The following TENM3 variants were observed in gnomAD, a reference collection of about 807,000 sequenced individuals.
The protein encoded by TENM3 is teneurin transmembrane protein 3.
TENM3 carries 63 observed loss-of-function variants against 255.1 expected under a neutral mutation model. The observed-to-expected ratio is 0.25, with a 90% CI of 0.20 to 0.30. The LOEUF is 0.30. Ranked by LOEUF, TENM3 falls within the 10% of genes least tolerant of loss-of-function variation. The probability of loss-of-function intolerance (pLI) is 1.00; values close to 1 mark genes in which losing one functional copy is unlikely to be tolerated. For synonymous variants in TENM3, 1,306 were observed against 1,322.3 expected, an observed-to-expected ratio of 0.99 and a Z score of 0.27; for missense variants, 2,929 against 3,461.1, an observed-to-expected ratio of 0.85 and a Z score of 3.86.
rs1210201889 is a variant in TENM3, at chr4:182,389,772, G to A, written c.511+42843G>A. Among the ~76,000 whole-genome samples, 792 of 142,308 alleles carry A rather than the reference G, an allele frequency of 5.6e-3. 9 individuals carry two copies. Among genetic ancestry groups the A allele is most frequent in the African/African-American group, 0.02 (760 of 38,798 alleles). The allele number at this position is 142,308 out of a possible 152,430, so 93.4% of individuals were successfully genotyped here. ...GCGATCTCGGCTCACTGCAAGCTCC[G>A]CCTCCCGGGTTCGCGCCATTCTCCT... On this transcript the variant is annotated intron_variant, in intron 3 of 27. Transcript: ENST00000511685.
chr4:181,853,960 G>T, the TENM3 span, among the ~76,000 whole-genome samples: 1 of 152,170 alleles, frequency 6.6e-6, no homozygotes. Flanking sequence ...AACCTAGCAG[G>T]ATTTTTTAAA....
chr4:182,733,574 A>C (rs1294989942), intron 16 of TENM3, among the ~76,000 whole-genome samples: 1 of 150,688 alleles, frequency 6.6e-6, no homozygotes, highest in South Asian at 2.1e-4. Flanking sequence ...CTAAAGAGGT[A>C]AATTTGGGAG....
the TENM3 span, among the ~76,000 whole-genome samples, chr4:181,646,287 T>C: frequency 1.3e-5 from 2 of 152,190 alleles, no homozygotes; most frequent in African/African-American, 4.8e-5. Flanking sequence ...TCTTTTACCC[T>C]ATATGAAGGA....
At chr4:181,618,459 T>G in the TENM3 span, among the ~76,000 whole-genome samples, 1 of 152,228 alleles carries the variant, frequency 6.6e-6, no homozygotes, top group Admixed American at 6.5e-5. Context: ...GTGATTTCAG[T>G]GTCAGTTTTA....
intron 3 of TENM3, among the ~76,000 whole-genome samples, chr4:182,499,741 T>A (rs146259050): frequency 2.0e-5 from 3 of 152,178 alleles, no homozygotes; most frequent in Admixed American, 6.5e-5. Context: ...TGACAGAATA[T>A]GAAGTTTAAT....
the TENM3 span, among the ~76,000 whole-genome samples, chr4:181,623,843 A>T: frequency 3.9e-5 from 6 of 152,230 alleles, no homozygotes; most frequent in Non-Finnish European, 7.3e-5. Context: ...GAGACACAAA[A>T]TGAGCTTAAA....
intron 3 of TENM3, among the ~76,000 whole-genome samples, chr4:182,463,469 T>C (rs1732253561): frequency 6.6e-6 from 1 of 151,984 alleles, no homozygotes; most frequent in South Asian, 2.1e-4. Flanking sequence ...CCATGTAGTA[T>C]CACTTTTTTT....
intron 22 of TENM3, among the ~76,000 whole-genome samples, chr4:182,756,528 CTT>C: frequency 6.6e-6 from 1 of 152,144 alleles, no homozygotes; most frequent in Non-Finnish European, 1.5e-5. Context: ...GCAAAATAGT[CTT>C]TGAAATGAAT....
At chr4:182,533,659 G>A (rs2309692) in intron 3 of TENM3, among the ~76,000 whole-genome samples, 18,086 of 151,908 alleles carry the variant, frequency 0.12, 1,278 homozygotes, top group East Asian at 0.16. Context: ...AATATAAAAG[G>A]TTGTCTTTCA....
the TENM3 span, among the ~76,000 whole-genome samples, chr4:181,573,115 T>C: frequency 9.2e-5 from 14 of 152,328 alleles, no homozygotes; most frequent in Middle Eastern, 6.8e-3. Context: ...TGTGTGTAAG[T>C]ACCACGTTTT....
chr4:181,588,560 T>C, the TENM3 span, among the ~76,000 whole-genome samples: 1 of 152,176 alleles, frequency 6.6e-6, no homozygotes, highest in Non-Finnish European at 1.5e-5. Context: ...GTACACGTAG[T>C]TCAGGAATGA....
At chr4:182,135,415 CTAAGG>C in the TENM3 span, among the ~76,000 whole-genome samples, 2 of 152,068 alleles carry the variant, frequency 1.3e-5, no homozygotes, top group Non-Finnish European at 2.9e-5. Flanking sequence ...GGTTTCCAGA[CTAAGG>C]TAATTCACAC....
chr4:182,635,163 T>C, intron 5 of TENM3, among the ~76,000 whole-genome samples: 1 of 152,240 alleles, frequency 6.6e-6, no homozygotes, highest in East Asian at 1.9e-4. Flanking sequence ...AAAAAAATAT[T>C]ATCAGACTAT....
chr4:182,402,013 G>A (rs538870517), intron 3 of TENM3, among the ~76,000 whole-genome samples: 35 of 152,168 alleles, frequency 2.3e-4, no homozygotes, highest in Non-Finnish European at 3.7e-4. Context: ...TACAAGTATC[G>A]ACTAACAAAG....
intron 3 of TENM3, among the ~76,000 whole-genome samples, chr4:182,500,670 A>C (rs1235474011): frequency 6.6e-6 from 1 of 152,146 alleles, no homozygotes; most frequent in East Asian, 1.9e-4. Context: ...ATTGTAAGAG[A>C]GACAAATGTA....
Position 182,176,821 on chromosome 4 carries a change from A to AATTTTTTTTTTTTTTTTTTTTTTTT in TENM3, c.-76+32067_-76+32068insATTTTTTTTTTTTTTTTTTTTTTTT, listed in dbSNP as rs1561169609. On this transcript the variant is annotated intron_variant, in intron 1 of 2. Transcript: ENST00000512480. ...GGACTACTAAATTAGCATCCGGCTA[A>AATTTTTTTTTTTTTTTTTTTTTTTT]TTTTTTTTTTTTTTTTTTTTTTTTT... Among the ~76,000 whole-genome samples the AATTTTTTTTTTTTTTTTTTTTTTTT allele has an allele frequency of 4.4e-5, 5 of 113,358 alleles. 1 individual carries two copies. The highest frequency in any genetic ancestry group is 6.6e-5 in the African/African-American group (2 of 30,416). The allele number at this position is 113,358 out of a possible 152,430, so 74.4% of individuals were successfully genotyped here. A position where few individuals can be genotyped will look rare whatever the true frequency, so the allele number is the denominator to read the frequency against.
chr4:181,663,247 C>G, the TENM3 span, among the ~76,000 whole-genome samples: 1 of 152,104 alleles, frequency 6.6e-6, no homozygotes, highest in African/African-American at 2.4e-5. Flanking sequence ...CCTGAAGCGT[C>G]TGTGGTTTCC....
At chr4:182,759,217 A>G (rs1292348496) in intron 22 of TENM3, among the ~76,000 whole-genome samples, 3 of 152,192 alleles carry the variant, frequency 2.0e-5, no homozygotes, top group Non-Finnish European at 4.4e-5. Context: ...GCAAACTCCC[A>G]TTATCTTTGT....
Position 182,230,569 on chromosome 4 carries a change from C to A in TENM3, c.-76+85815C>A, listed in dbSNP as rs897443239. On this transcript the variant is annotated intron_variant, in intron 1 of 2. Coordinates refer to the TENM3 transcript ENST00000512480. ...TCACTGCTGTCACAGCGCTGGCGTT[C>A]CAGGAAGGAAAGATGGTCTGTGCCG... 4.0e-5 allele frequency among the ~76,000 whole-genome samples: 6 copies of A among 151,838 alleles called. No homozygotes were observed. In the East Asian group the frequency reaches 9.8e-4, roughly 25 times the overall value.
Sources: allele counts gnomAD v4.1 joint callset (sites outside exome capture counted in the v4.1 genomes callset), GRCh38; gene constraint gnomAD v4.1.1; transcripts MANE v1.5; gene names NCBI Gene and HGNC (gene_info 2026-07-23, HGNC 2026-07-21).